Variants in CEMIP observed in about 807,000 individuals in gnomAD.
CEMIP encodes cell migration-inducing and hyaluronan-binding protein.
In CEMIP, 105 loss-of-function variants were observed where a neutral mutation model predicts 156.9. That is an observed-to-expected ratio of 0.67 (90% CI 0.57 to 0.79). The LOEUF is 0.79. Among genes scored for constraint, CEMIP ranks in the 30% least tolerant of loss-of-function variants. The pLI is 0.00. For synonymous variants in CEMIP, 676 were observed against 668.4 expected (o/e 1.01, Z -0.17); for missense variants, 1,457 against 1,769.4 (o/e 0.82, Z 3.17).
At chr15:80,892,713 G>C (rs1049690851) in intron 10 of CEMIP, among the ~76,000 whole-genome samples, 45 of 152,214 alleles carry the variant, frequency 3.0e-4, no homozygotes, top group African/African-American at 1.0e-3. Flanking sequence ...ATGACCCTAA[G>C]AGTGGGTGCT....
chr15:80,789,995 A>G (rs1896040055), intron 1 of CEMIP, among the ~76,000 whole-genome samples: 1 of 152,196 alleles, frequency 6.6e-6, no homozygotes, highest in Non-Finnish European at 1.5e-5. Flanking sequence ...AGGCAGAGTC[A>G]CTATTTGAAT....
intron 1 of CEMIP, among the ~76,000 whole-genome samples, chr15:80,849,339 T>C (rs1159646859): frequency 6.6e-6 from 1 of 151,768 alleles, no homozygotes; most frequent in Admixed American, 6.6e-5. Flanking sequence ...GACTCACCTA[T>C]GCAACTGCCC....
At chr15:80,801,264 G>C (rs544752348) in intron 1 of CEMIP, among the ~76,000 whole-genome samples, 92 of 152,352 alleles carry the variant, frequency 6.0e-4, no homozygotes, top group African/African-American at 2.0e-3. Context: ...TGCTGATCCG[G>C]ACAGGCTTGG....
At chr15:80,896,335 T>A (rs1220501171) in intron 12 of CEMIP, 1 of 599,636 alleles carries the variant, frequency 1.7e-6, no homozygotes, top group African/African-American at 1.8e-5. Flanking sequence ...CAAAACATAT[T>A]CTTCTCACGG....
intron 1 of CEMIP, among the ~76,000 whole-genome samples, chr15:80,814,714 C>T (rs1331863518): frequency 6.6e-6 from 1 of 152,168 alleles, no homozygotes; most frequent in Non-Finnish European, 1.5e-5. Flanking sequence ...AGAGTAACAG[C>T]ATGGGCAACA....
At chr15:80,918,171 G>A (rs1900342977) in intron 14 of CEMIP, among the ~76,000 whole-genome samples, 1 of 152,116 alleles carries the variant, frequency 6.6e-6, no homozygotes, top group Non-Finnish European at 1.5e-5. Context: ...GCTCCCCAGG[G>A]GGCTGAGGTG....
intron 1 of CEMIP, among the ~76,000 whole-genome samples, chr15:80,834,753 G>A (rs1350660883): frequency 6.6e-6 from 1 of 152,114 alleles, no homozygotes; most frequent in African/African-American, 2.4e-5. Context: ...TTGGCCCTTA[G>A]CAGTTTCACA....
Position 80,879,747 on chromosome 15 carries a change from G to T in CEMIP, c.273G>T (p.Pro91=). The part of the protein sequence containing the change: ...GKLVIKDHDE[P]IVLRTRHILI... ...TGGTCATTAAAGACCACGACGAGCC[G>T]ATTGTTTTGCGAACCCGGCACATCC... Residue 91 remains proline, a synonymous_variant, in exon 5 of 30, where the codon CCG becomes CCT. Coordinates refer to ENST00000394685, the MANE Select transcript of CEMIP (RefSeq NM_001293298.2). 6 of 1,614,188 alleles carry T rather than the reference G, an allele frequency of 3.7e-6. No homozygotes were observed. The highest frequency in any genetic ancestry group is 5.1e-6 in the Non-Finnish European group (6 of 1,180,026).
At chr15:80,857,604 G>A (rs141604046) in intron 1 of CEMIP, among the ~76,000 whole-genome samples, 10 of 152,314 alleles carry the variant, frequency 6.6e-5, no homozygotes, top group East Asian at 1.9e-4. Flanking sequence ...AAACTTCACC[G>A]TGCACATTAG....
chr15:80,821,137 C>T (rs182706410), intron 1 of CEMIP, among the ~76,000 whole-genome samples: 6 of 152,310 alleles, frequency 3.9e-5, no homozygotes, highest in African/African-American at 7.2e-5. Context: ...CCCCTTGGAG[C>T]ACATAATCTC....
At chr15:80,841,153 C>G (rs1276973310) in intron 1 of CEMIP, among the ~76,000 whole-genome samples, 2 of 152,198 alleles carry the variant, frequency 1.3e-5, no homozygotes, top group Non-Finnish European at 2.9e-5. Context: ...CCTGGGTTGC[C>G]AGATCTTCAG....
chr15:80,929,599 T>G (rs1173847202), intron 21 of CEMIP, among the ~76,000 whole-genome samples: 3 of 152,142 alleles, frequency 2.0e-5, no homozygotes, highest in Non-Finnish European at 4.4e-5. Flanking sequence ...CGAAGCTATG[T>G]CACATGCAGG....
intron 1 of CEMIP, among the ~76,000 whole-genome samples, chr15:80,817,298 G>T (rs1252350731): frequency 1.3e-5 from 2 of 152,074 alleles, no homozygotes; most frequent in Non-Finnish European, 2.9e-5. Context: ...CATAAATGAT[G>T]TGTGAGTAGG....
intron 8 of CEMIP, among the ~76,000 whole-genome samples, chr15:80,888,387 T>C (rs1245264017): frequency 6.6e-6 from 1 of 152,056 alleles, no homozygotes; most frequent in Non-Finnish European, 1.5e-5. Context: ...GTAGCCTCCT[T>C]TGCCCAGCAA....
At chr15:80,922,536 A>G (rs1380267622) in intron 17 of CEMIP, among the ~76,000 whole-genome samples, 1 of 152,224 alleles carries the variant, frequency 6.6e-6, no homozygotes, top group Non-Finnish European at 1.5e-5. Context: ...GAAGGAAATC[A>G]AGACGTGGTT....
chr15:80,826,505 A>T (rs4778860), intron 1 of CEMIP, among the ~76,000 whole-genome samples: 1 of 152,222 alleles, frequency 6.6e-6, no homozygotes, highest in Non-Finnish European at 1.5e-5. Context: ...TGTACAAACC[A>T]AGTTATAGGT....
At chr15:80,816,083 T>C (rs1051042692) in intron 1 of CEMIP, among the ~76,000 whole-genome samples, 1 of 152,224 alleles carries the variant, frequency 6.6e-6, no homozygotes, top group Non-Finnish European at 1.5e-5. Context: ...AATGCTATTT[T>C]ACTGTGAAAA....
intron 1 of CEMIP, among the ~76,000 whole-genome samples, chr15:80,859,446 T>C (rs185009325): frequency 9.2e-5 from 14 of 152,356 alleles, no homozygotes; most frequent in African/African-American, 3.4e-4. Context: ...GCAGGAGGCA[T>C]CTTGCTGGCA....
chr15:80,923,684 T>A (rs1900555004), intron 17 of CEMIP, among the ~76,000 whole-genome samples: 1 of 152,176 alleles, frequency 6.6e-6, no homozygotes, highest in African/African-American at 2.4e-5. Flanking sequence ...GGTCTCGTCC[T>A]TGGTGTTCAT....
Sources: gnomAD v4.1 joint callset for allele counts (sites outside exome capture counted in the v4.1 genomes callset) on GRCh38, gnomAD v4.1.1 for gene constraint, MANE v1.5 for transcripts, NCBI Gene and HGNC (gene_info 2026-07-23, HGNC 2026-07-21) for gene names.